INO80: variants seen among roughly 807,000 people sequenced by gnomAD.
INO80 encodes the protein INO80 complex ATPase subunit.
A neutral mutation model predicts 203.4 loss-of-function variants in INO80; 20 were observed. That is an observed-to-expected ratio of 0.10 (90% CI 0.07 to 0.14). INO80 has a LOEUF of 0.14. INO80 is among the 10% of genes least tolerant of loss of function. INO80 has a pLI of 1.00. For missense variants in INO80, 1,419 were observed against 1,914.4 expected, an observed-to-expected ratio of 0.74 and a Z score of 4.83; for synonymous variants, 726 against 685.2, an observed-to-expected ratio of 1.06 and a Z score of -0.93.
At chr15:41,047,887 G>C (rs2044797702) in intron 22 of INO80, among the ~76,000 whole-genome samples, 1 of 152,170 alleles carries the variant, frequency 6.6e-6, no homozygotes, top group Non-Finnish European at 1.5e-5. Flanking sequence ...CTTTTCCTTA[G>C]GCTAAGACGG....
intron 29 of INO80, among the ~76,000 whole-genome samples, chr15:40,990,594 A>C (rs893145843): frequency 6.6e-6 from 1 of 152,240 alleles, no homozygotes; most frequent in African/African-American, 2.4e-5. Context: ...CTGCTGGCGA[A>C]AGAAAGTCAC....
rs1893938323 is a variant in INO80 at position 40,984,227 on chromosome 15, C to G, written c.4047G>C (p.Val1349=). 1 of 1,613,572 alleles carries G rather than the reference C, an allele frequency of 6.2e-7. No individual in the cohort carries two copies. The highest frequency in any genetic ancestry group is 1.3e-5 in the African/African-American group (1 of 74,900). The part of the protein sequence containing the change: ...SADGDDSFIS[V]DSAMPSPFSE... ...TGAAAGGGCTTGGCATGGCTGAGTCCACGCTAATGAAGGAGTCATCTCCGT... is the reference window on the plus strand; with the variant it reads ...TGAAAGGGCTTGGCATGGCTGAGTCGACGCTAATGAAGGAGTCATCTCCGT... Residue 1349 remains valine, a synonymous_variant, in exon 33 of 36, where the codon GTG becomes GTC. Coordinates refer to ENST00000648947, the MANE Select transcript of INO80 (RefSeq NM_017553.3).
intron 14 of INO80, among the ~76,000 whole-genome samples, chr15:41,067,070 C>A (rs888903287): frequency 1.5e-4 from 23 of 151,994 alleles, no homozygotes; most frequent in Non-Finnish European, 1.6e-4. Flanking sequence ...AATTTTAAGA[C>A]CTTTTATTTT....
At chr15:40,997,310 A>G (rs2043893077) in intron 29 of INO80, among the ~76,000 whole-genome samples, 1 of 152,188 alleles carries the variant, frequency 6.6e-6, no homozygotes, top group African/African-American at 2.4e-5. Flanking sequence ...TGTTCAAAGA[A>G]AATGAATAGT....
At chr15:40,984,622 C>T (rs1341500227) in intron 32 of INO80, among the ~76,000 whole-genome samples, 1 of 132,938 alleles carries the variant, frequency 7.5e-6, no homozygotes, top group South Asian at 2.5e-4. Context: ...AATTGGACCC[C>T]AGCTCAAAAG....
chr15:40,996,316 ATT>A (rs1596243082), intron 29 of INO80, among the ~76,000 whole-genome samples: 1 of 152,176 alleles, frequency 6.6e-6, no homozygotes, highest in East Asian at 1.9e-4. Flanking sequence ...TAATTTTGAG[ATT>A]CAAAAAGAAT....
At chr15:40,998,661 T>G (rs1162964137) in intron 28 of INO80, among the ~76,000 whole-genome samples, 1 of 152,060 alleles carries the variant, frequency 6.6e-6, no homozygotes, top group African/African-American at 2.4e-5. Context: ...AGTTTTGTTT[T>G]TTTTTTTTTG....
At chr15:41,023,792 A>AAAC (rs2044333715) in intron 25 of INO80, among the ~76,000 whole-genome samples, 1 of 146,402 alleles carries the variant, frequency 6.8e-6, no homozygotes, top group African/African-American at 2.6e-5. Context: ...AACAAAACAA[A>AAAC]ACGAAAAAAA....
At position 40,997,618 on chromosome 15, in the gene INO80, G is replaced by A. The variant is rs878904781; in HGVS notation, c.3498-17C>T. 2.5e-6 allele frequency: 4 copies of A among 1,586,538 alleles called. No individual in the cohort carries two copies. The highest frequency in any genetic ancestry group is 2.2e-5 in the East Asian group (1 of 44,672). On this transcript the variant is annotated splice_polypyrimidine_tract_variant and intron_variant, in intron 28 of 35. Coordinates refer to ENST00000648947, the MANE Select transcript of INO80 (RefSeq NM_017553.3). Reference sequence around the variant, plus strand: ...ATGTCATTCCTGCAGAAAAGGGAGAGATATGTTAAAGGAAAAACTGAAAAG... The same window carrying A: ...ATGTCATTCCTGCAGAAAAGGGAGAAATATGTTAAAGGAAAAACTGAAAAG...
chr15:41,112,357 AATG>A (rs1317149800), intron 1 of INO80, among the ~76,000 whole-genome samples: 2 of 152,222 alleles, frequency 1.3e-5, no homozygotes, highest in Non-Finnish European at 2.9e-5. Flanking sequence ...AGAAAATTAA[AATG>A]ATAATATATA....
chr15:41,072,506 G>A (rs548749234), intron 11 of INO80, among the ~76,000 whole-genome samples: 2 of 151,704 alleles, frequency 1.3e-5, no homozygotes, highest in Admixed American at 6.6e-5. Flanking sequence ...GGATCACGAG[G>A]TCAGGAGATC....
At chr15:41,101,637 C>T (rs1352856404) in intron 1 of INO80, among the ~76,000 whole-genome samples, 1 of 151,668 alleles carries the variant, frequency 6.6e-6, no homozygotes, top group Non-Finnish European at 1.5e-5. Context: ...GCAAGCTCCG[C>T]CTCCCAGGTT....
At chr15:41,002,079 G>C (rs1339922029) in intron 28 of INO80, among the ~76,000 whole-genome samples, 2 of 152,166 alleles carry the variant, frequency 1.3e-5, no homozygotes, top group African/African-American at 4.8e-5. Context: ...CAACCAGTTT[G>C]TAATGTAGGC....
chr15:41,004,906 T>C (rs1205463650), intron 28 of INO80: 2 of 152,078 alleles, frequency 1.3e-5, no homozygotes, highest in Admixed American at 6.6e-5. Context: ...AAAGTGCTAC[T>C]GTTAGTGGCC....
Position 41,058,657 on chromosome 15 carries a change from G to A in INO80, c.1967C>T (p.Ala656Val). The A allele has an allele frequency of 1.9e-6, 3 of 1,613,372 alleles. No homozygotes were observed. Among genetic ancestry groups the A allele is most frequent in the Non-Finnish European group, 2.5e-6 (3 of 1,179,732 alleles). ...ATGTTACCTGGAACTACTCTTGAGC[G>A]CCTGAGCCTCATCCAGTACCATGTA... ...WQYMVLDEAQALKSSSSVRWK... is the reference protein window; with the variant it reads ...WQYMVLDEAQVLKSSSSVRWK... Residue 656 changes from alanine to valine, a missense_variant, in exon 16 of 36, where the codon GCG (alanine) becomes GTG (valine). By Grantham distance (64) the Ala-to-Val change is moderately conservative. Coordinates refer to ENST00000648947, the MANE Select transcript of INO80 (RefSeq NM_017553.3).
chr15:41,087,506 CATGCA>C, intron 6 of INO80, 51 bp downstream of exon 6: 1 of 1,589,742 alleles, frequency 6.3e-7, no homozygotes, highest in East Asian at 2.2e-5. Flanking sequence ...CAGTAGGCCA[CATGCA>C]ATTCTGAAAC....
chr15:41,052,857 C>CAAAAAA lies in INO80; in HGVS notation c.2274+1066_2274+1071dup, dbSNP rs886971015. 2.1e-3 allele frequency among the ~76,000 whole-genome samples: 194 copies of CAAAAAA among 93,548 alleles called. 3 individuals are homozygous for CAAAAAA. Among genetic ancestry groups the CAAAAAA allele is most frequent in the African/African-American group, 7.5e-3 (187 of 25,030 alleles). 61.4% of individuals were successfully genotyped at this position (93,548 alleles called of 152,430 possible). A position where few individuals can be genotyped will look rare whatever the true frequency, so the allele number is the denominator to read the frequency against. On this transcript the variant is annotated intron_variant, in intron 19 of 35. Coordinates refer to ENST00000648947, the MANE Select transcript of INO80 (RefSeq NM_017553.3). ...GGGAACATGGCAAAACTGGTCGCTACAAAAAAAAAAAAAAAAAATACAAAA... is the reference window on the plus strand; with the variant it reads ...GGGAACATGGCAAAACTGGTCGCTACAAAAAAAAAAAAAAAAAAAAAAAATACAAAA...
rs554526618 is a variant in INO80, at chr15:41,048,914, G to A, written c.2576+373C>T. Among the ~76,000 whole-genome samples, 35 of 152,314 alleles carry A rather than the reference G, an allele frequency of 2.3e-4. 1 individual carries two copies. Among genetic ancestry groups the A allele is most frequent in the African/African-American group, 7.9e-4 (33 of 41,578 alleles). ...TATCGTTGCTGACTCTGAGAAAAAG[G>A]TAAATTTGATTAACTTACAATACAA... On this transcript the variant is annotated intron_variant, in intron 21 of 35. Transcript: ENST00000648947.
rs1029549904 is a variant in INO80, at chr15:41,044,955, C to T, written c.2856G>A (p.Gly952=). The T allele has an allele frequency of 1.2e-6, 2 of 1,613,666 alleles. No individual in the cohort carries two copies. Among genetic ancestry groups the T allele is most frequent in the Non-Finnish European group, 1.7e-6 (2 of 1,179,892 alleles). Residue 952 remains glycine, a synonymous_variant, in exon 24 of 36, where the codon GGG becomes GGA. Coordinates refer to ENST00000648947, the MANE Select transcript of INO80 (RefSeq NM_017553.3). ...RYLRNKDFLL[G]VNFPLSFPNL... ...TTGGAAAGGAGAGTGGAAAATTAAC[C>T]CCAAGAAGGAAATCCTTGTTCCTCA...
Sources: gnomAD v4.1 joint callset for allele counts (sites outside exome capture counted in the v4.1 genomes callset) on GRCh38, gnomAD v4.1.1 for gene constraint, MANE v1.5 for transcripts, NCBI Gene and HGNC (gene_info 2026-07-23, HGNC 2026-07-21) for gene names.